The following AGBL1 variants were observed in gnomAD, a reference collection of about 807,000 sequenced individuals.
AGBL1 encodes AGBL carboxypeptidase 1.
Under a neutral mutation model 118.9 loss-of-function variants are expected in AGBL1, and 130 were observed. The observed-to-expected ratio is 1.09, with a 90% CI of 0.95 to 1.26. The LOEUF (loss-of-function observed/expected upper bound fraction) is 1.26, where lower values mean the gene tolerates loss of function less well. Ranked by LOEUF, AGBL1 falls within the 50% of genes most tolerant of loss-of-function variation. The pLI is 0.00. For synonymous variants in AGBL1, 555 were observed against 478.9 expected (o/e 1.16, Z -2.08); for missense variants, 1,584 against 1,298.1 (o/e 1.22, Z -3.38).
At chr15:86,422,144 AT>A (rs761068615) in intron 18 of AGBL1, among the ~76,000 whole-genome samples, 2 of 152,216 alleles carry the variant, frequency 1.3e-5, no homozygotes, top group Non-Finnish European at 2.9e-5. Context: ...CAGAATATAC[AT>A]TCTTCTCAGC....
At chr15:86,995,332 GC>G (rs925363096) in intron 24 of AGBL1, among the ~76,000 whole-genome samples, 5 of 152,134 alleles carry the variant, frequency 3.3e-5, no homozygotes, top group African/African-American at 9.7e-5. Flanking sequence ...GCTGTAGTGA[GC>G]CTGGATGGTG....
chr15:86,361,707 G>A (rs1001013053), intron 17 of AGBL1, among the ~76,000 whole-genome samples: 4 of 151,876 alleles, frequency 2.6e-5, no homozygotes, highest in Middle Eastern at 3.2e-3. Context: ...CTTTATTTGT[G>A]TTTTTTGACA....
intron 16 of AGBL1, among the ~76,000 whole-genome samples, chr15:86,294,064 C>G (rs534890142): frequency 6.6e-6 from 1 of 152,070 alleles, no homozygotes; most frequent in Admixed American, 6.6e-5. Context: ...ACTGGTGCCC[C>G]TGTTTTGATT....
chr15:86,569,076 A>G (rs567416459), intron 21 of AGBL1, among the ~76,000 whole-genome samples: 1 of 152,070 alleles, frequency 6.6e-6, no homozygotes, highest in African/African-American at 2.4e-5. Context: ...AAAGAGGACA[A>G]TTTTCCAAAT....
At chr15:86,664,469 C>G (rs143918676) in intron 21 of AGBL1, among the ~76,000 whole-genome samples, 1 of 152,188 alleles carries the variant, frequency 6.6e-6, no homozygotes, top group African/African-American at 2.4e-5. Context: ...CTCTCCAAAC[C>G]TGTTTAAAAC....
chr15:86,213,076 G>A (rs1051810942), intron 5 of AGBL1, among the ~76,000 whole-genome samples: 1 of 151,014 alleles, frequency 6.6e-6, no homozygotes, highest in Admixed American at 6.6e-5. Flanking sequence ...TCATTGCAAG[G>A]CTTTGTGATA....
chr15:86,948,913 A>G (rs1361487622), intron 23 of AGBL1, among the ~76,000 whole-genome samples: 2 of 152,240 alleles, frequency 1.3e-5, no homozygotes, highest in Admixed American at 1.3e-4. Context: ...TAAATAAAGT[A>G]TCCTGGAATA....
At chr15:86,947,892 T>C (rs2080842031) in intron 23 of AGBL1, among the ~76,000 whole-genome samples, 2 of 152,228 alleles carry the variant, frequency 1.3e-5, no homozygotes, top group Admixed American at 6.5e-5. Context: ...TCTGCTATAC[T>C]GCTATCTGCT....
chr15:86,594,023 A>G (rs1207127587), intron 21 of AGBL1, among the ~76,000 whole-genome samples: 1 of 151,914 alleles, frequency 6.6e-6, no homozygotes, highest in Non-Finnish European at 1.5e-5. Flanking sequence ...CCTGGGCTTA[A>G]GTAATTTTCT....
chr15:86,582,688 A>T (rs917836079), intron 21 of AGBL1, among the ~76,000 whole-genome samples: 2 of 152,198 alleles, frequency 1.3e-5, no homozygotes, highest in African/African-American at 4.8e-5. Flanking sequence ...GCCATGAAAA[A>T]GGATGAGTTC....
chr15:86,977,108 T>C (rs1003381348), intron 23 of AGBL1, among the ~76,000 whole-genome samples: 15 of 152,008 alleles, frequency 9.9e-5, no homozygotes, highest in African/African-American at 3.4e-4. Context: ...TTACATCTTA[T>C]ATAAAGATTT....
intron 22 of AGBL1, among the ~76,000 whole-genome samples, chr15:86,803,770 G>A (rs140868420): frequency 1.6e-3 from 238 of 152,264 alleles, no homozygotes; most frequent in Non-Finnish European, 2.5e-3. Flanking sequence ...TGACTGTGGT[G>A]TGTAAGAGAC....
intron 18 of AGBL1, among the ~76,000 whole-genome samples, chr15:86,466,345 G>A (rs1052360251): frequency 2.0e-5 from 3 of 152,138 alleles, no homozygotes; most frequent in Admixed American, 2.0e-4. Context: ...GCTCCATCAG[G>A]CCATTTATGT....
intron 9 of AGBL1, among the ~76,000 whole-genome samples, chr15:86,258,538 A>G (rs1379814465): frequency 2.0e-5 from 3 of 152,148 alleles, no homozygotes; most frequent in Non-Finnish European, 4.4e-5. Flanking sequence ...CCCCCTCCCA[A>G]AAAGGCCTAT....
chr15:86,828,062 C>T (rs2079056623), intron 22 of AGBL1, among the ~76,000 whole-genome samples: 1 of 149,796 alleles, frequency 6.7e-6, no homozygotes, highest in African/African-American at 2.5e-5. Flanking sequence ...GCTTCAGCCT[C>T]CTGAATAAGC....
chr15:86,699,813 T>C (rs2086324728), intron 22 of AGBL1, among the ~76,000 whole-genome samples: 2 of 152,084 alleles, frequency 1.3e-5, no homozygotes, highest in Non-Finnish European at 2.9e-5. Flanking sequence ...GTATAGTTTC[T>C]ATTTTTCCTT....
chr15:86,974,963 A>T (rs1218958974), intron 23 of AGBL1, among the ~76,000 whole-genome samples: 1 of 151,978 alleles, frequency 6.6e-6, no homozygotes, highest in Non-Finnish European at 1.5e-5. Context: ...TCTTGGTATT[A>T]GGGACTTTAG....
At chr15:86,688,864 C>A (rs372222247) in intron 22 of AGBL1, among the ~76,000 whole-genome samples, 1 of 152,008 alleles carries the variant, frequency 6.6e-6, no homozygotes, top group Admixed American at 6.6e-5. Flanking sequence ...GTAATTCATT[C>A]GTCACTCTAC....
At chr15:86,227,923 G>T (rs1053925031) in intron 6 of AGBL1, among the ~76,000 whole-genome samples, 2 of 152,202 alleles carry the variant, frequency 1.3e-5, no homozygotes, top group Admixed American at 6.5e-5. Flanking sequence ...GTGGGTAGGA[G>T]AATTCTGAGA....
Sources: allele counts gnomAD v4.1 joint callset (sites outside exome capture counted in the v4.1 genomes callset), GRCh38; gene constraint gnomAD v4.1.1; transcripts MANE v1.5; gene names NCBI Gene and HGNC (gene_info 2026-07-23, HGNC 2026-07-21).